The following OTOGL variants were observed in gnomAD, a reference collection of about 807,000 sequenced individuals.
OTOGL encodes otogelin-like protein.
Under a neutral mutation model 318.5 loss-of-function variants are expected in OTOGL, and 285 were observed. The ratio of observed to expected loss-of-function variants is 0.89; its 90% CI spans 0.81 to 0.99. The LOEUF is 0.99. Among genes scored for constraint, OTOGL ranks in the 50% least tolerant of loss-of-function variants. OTOGL has a pLI of 0.00. For synonymous variants in OTOGL, 987 were observed against 936.5 expected, an observed-to-expected ratio of 1.05 and a Z score of -0.99; for missense variants, 2,899 against 2,845.6, an observed-to-expected ratio of 1.02 and a Z score of -0.43.
chr12:80,355,250 A>G lies in OTOGL; in HGVS notation c.5594-486A>G, dbSNP rs1447208153. Among the ~76,000 whole-genome samples the G allele has an allele frequency of 2.6e-4, 23 of 89,860 alleles. 1 individual carries two copies. Among genetic ancestry groups the G allele is most frequent in the South Asian group, 1.3e-3 (4 of 3,072 alleles). The allele number at this position is 89,860 out of a possible 152,430, so 59.0% of individuals were successfully genotyped here. On this transcript the variant is annotated intron_variant, in intron 46 of 58. Coordinates refer to ENST00000547103, the MANE Select transcript of OTOGL (RefSeq NM_001378609.3). ...TTTTCTTTTTTTTTTTTTTTTTTTGAGACAGGATCTACTCTGTTGCACAGG... is the reference window on the plus strand; with the variant it reads ...TTTTCTTTTTTTTTTTTTTTTTTTGGGACAGGATCTACTCTGTTGCACAGG...
intron 34 of OTOGL, 102 bp from the exon 35 acceptor site, chr12:80,323,621 C>A: frequency 1.1e-6 from 1 of 888,628 alleles, no homozygotes; most frequent in Non-Finnish European, 1.8e-6. Context: ...TGCGCTCGAG[C>A]CTGAGTGACA....
At chr12:80,260,462 C>T (rs1355380583) in intron 18 of OTOGL, among the ~76,000 whole-genome samples, 1 of 151,962 alleles carries the variant, frequency 6.6e-6, no homozygotes, top group Non-Finnish European at 1.5e-5. Context: ...GGCACCAGTC[C>T]CCGCCACGTG....
At chr12:80,165,583 C>A (rs568522176) in intron 1 of OTOGL, among the ~76,000 whole-genome samples, 1 of 152,174 alleles carries the variant, frequency 6.6e-6, no homozygotes, top group African/African-American at 2.4e-5. Flanking sequence ...AGCTCTGTTT[C>A]TTCTGTCTTC....
intron 1 of OTOGL, among the ~76,000 whole-genome samples, chr12:80,111,684 T>G (rs551506788): frequency 1.3e-5 from 2 of 152,238 alleles, no homozygotes; most frequent in Non-Finnish European, 2.9e-5. Context: ...GGTAGCGTGA[T>G]GCCTCCAGCT....
intron 1 of OTOGL, among the ~76,000 whole-genome samples, chr12:80,188,410 C>T (rs891367613): frequency 2.0e-5 from 3 of 151,572 alleles, no homozygotes; most frequent in Admixed American, 6.6e-5. Context: ...TGGTGGCATG[C>T]GCCTGTAATC....
In OTOGL at chr12:80,379,720, C is replaced by G. The variant is rs1485887356; in HGVS notation, c.*1672C>G. 1 of 151,748 alleles carries G rather than the reference C, an allele frequency of 6.6e-6. No individual in the cohort carries two copies. The highest frequency in any genetic ancestry group is 1.5e-5 in the Non-Finnish European group (1 of 67,848). 9.4% of individuals were successfully genotyped at this position (151,748 alleles called of 1,614,324 possible). A position where few individuals can be genotyped will look rare whatever the true frequency, so the allele number is the denominator to read the frequency against. On this transcript the variant is annotated 3_prime_UTR_variant, in exon 59 of 59. Transcript: ENST00000547103. ...TTATTTCCATTTTCTGTAAAATATT[C>G]ATTATTAAAAATATTAAGTAATCTT... is the stretch of plus-strand genomic sequence containing the variant.
intron 1 of OTOGL, among the ~76,000 whole-genome samples, chr12:80,207,225 G>T (rs1297104806): frequency 6.6e-6 from 1 of 151,778 alleles, no homozygotes; most frequent in African/African-American, 2.4e-5. Context: ...CTTTGATATG[G>T]AGTTTTACTC....
At chr12:80,193,943 C>A (rs1177671623) in intron 1 of OTOGL, among the ~76,000 whole-genome samples, 1 of 152,220 alleles carries the variant, frequency 6.6e-6, no homozygotes, top group Non-Finnish European at 1.5e-5. Context: ...AGAGAAGTAG[C>A]TGTCATTCTG....
intron 1 of OTOGL, among the ~76,000 whole-genome samples, chr12:80,174,220 G>T (rs1483260890): frequency 6.6e-6 from 1 of 152,102 alleles, no homozygotes; most frequent in East Asian, 1.9e-4. Context: ...TTCTGAGCTG[G>T]AGTCAGAGAT....
In OTOGL at chr12:80,239,362, G is replaced by A; in HGVS notation, c.975G>A (p.Leu325=). ...TCTTCTTCAAGTGTCAGATACTGTT[G>A]CAGTTTCCTTTTCTGAGCTGCCATG... is the stretch of plus-strand genomic sequence containing the variant. ...EAIFFKCQIL[L]QFPFLSCHEY... The change falls in exon 11 of 59, where the codon TTG becomes TTA. Residue 325 remains leucine (L), a synonymous_variant. Coordinates refer to ENST00000547103, the MANE Select transcript of OTOGL (RefSeq NM_001378609.3). 1 of 1,609,924 alleles carries A rather than the reference G, an allele frequency of 6.2e-7. No individual in the cohort carries two copies. The highest frequency in any genetic ancestry group is 1.1e-5 in the South Asian group (1 of 90,306).
intron 7 of OTOGL, among the ~76,000 whole-genome samples, chr12:80,228,909 T>TA (rs1308632533): frequency 1.3e-5 from 2 of 152,156 alleles, no homozygotes; most frequent in African/African-American, 2.4e-5. Flanking sequence ...CTCTAATAGG[T>TA]AAAAAATACG....
At chr12:80,331,159 G>A (rs1888043818) in intron 37 of OTOGL, among the ~76,000 whole-genome samples, 1 of 151,996 alleles carries the variant, frequency 6.6e-6, no homozygotes, top group South Asian at 2.1e-4. Flanking sequence ...AAACAGTCTT[G>A]AAAAATAACT....
At chr12:80,285,092 A>C (rs1884512037) in intron 26 of OTOGL, among the ~76,000 whole-genome samples, 1 of 152,116 alleles carries the variant, frequency 6.6e-6, no homozygotes, top group African/African-American at 2.4e-5. Flanking sequence ...AGTTTTCCGC[A>C]TATGGTTAAC....
Position 80,261,968 on chromosome 12 carries a change from G to C in OTOGL, c.1890-1G>C. Reference sequence around the variant, plus strand: ...AGATGAGCATTGTCTTTGCTTTCTAGTTCTCCATCAGGCATGATAGAAGGT... The same window carrying C: ...AGATGAGCATTGTCTTTGCTTTCTACTTCTCCATCAGGCATGATAGAAGGT... On this transcript the variant is annotated splice_acceptor_variant, in intron 18 of 58. Transcript: ENST00000547103. LOFTEE classifies it high-confidence loss of function. The C allele has an allele frequency of 1.2e-6, 2 of 1,609,926 alleles. No individual in the cohort carries two copies. Among genetic ancestry groups the C allele is most frequent in the Non-Finnish European group, 1.7e-6 (2 of 1,177,698 alleles).
At chr12:80,181,994 C>G (rs1215875912) in intron 1 of OTOGL, among the ~76,000 whole-genome samples, 1 of 151,798 alleles carries the variant, frequency 6.6e-6, no homozygotes, top group Non-Finnish European at 1.5e-5. Flanking sequence ...TGAAACATTG[C>G]CTCTACAAAA....
chr12:80,267,143 G>A, intron 21 of OTOGL, 110 bp from the exon 22 acceptor site: 2 of 470,340 alleles, frequency 4.3e-6, no homozygotes, highest in Non-Finnish European at 3.5e-6. Flanking sequence ...GAATAATGCA[G>A]ACCTTAGAGT....
chr12:80,145,331 T>A (rs1872270516), intron 1 of OTOGL, among the ~76,000 whole-genome samples: 1 of 152,154 alleles, frequency 6.6e-6, no homozygotes, highest in Non-Finnish European at 1.5e-5. Context: ...CCCCGTTGCT[T>A]GTTTTTTCTC....
intron 1 of OTOGL, among the ~76,000 whole-genome samples, chr12:80,156,803 C>G (rs1469380489): frequency 6.6e-6 from 1 of 152,092 alleles, no homozygotes; most frequent in Non-Finnish European, 1.5e-5. Flanking sequence ...ATTGCCCAGT[C>G]TTGGGTATGT....
intron 32 of OTOGL, among the ~76,000 whole-genome samples, chr12:80,315,908 C>T (rs1320814477): frequency 6.6e-6 from 1 of 152,124 alleles, no homozygotes; most frequent in African/African-American, 2.4e-5. Context: ...ACACACACTT[C>T]ACATCAATCT....
Sources: gnomAD v4.1 joint callset for allele counts (sites outside exome capture counted in the v4.1 genomes callset) on GRCh38, gnomAD v4.1.1 for gene constraint, MANE v1.5 for transcripts, NCBI Gene and HGNC (gene_info 2026-07-23, HGNC 2026-07-21) for gene names.